The following OR7A10 variants were observed in gnomAD, a reference collection of about 807,000 sequenced individuals.
OR7A10 encodes olfactory receptor family 7 subfamily A member 10, also known as olfactory receptor 7A10.
For synonymous variants in OR7A10, 144 were observed against 144.5 expected, an observed-to-expected ratio of 1.00 and a Z score of 0.02; for missense variants, 358 against 370.1, an observed-to-expected ratio of 0.97 and a Z score of 0.27.
Position 14,841,550 on chromosome 19 carries a change from A to T in OR7A10, c.328T>A (p.Leu110Met). 4 of 1,614,200 alleles carry T rather than the reference A, an allele frequency of 2.5e-6. No homozygotes were observed. Among genetic ancestry groups the T allele is most frequent in the Non-Finnish European group, 3.4e-6 (4 of 1,180,040 alleles). ...QMCFFLLFVG[L>M]DNFLLTVMAY... is the part of the protein sequence containing the mutation. ...ATCACGGTCAGAAGGAAGTTATCCA[A>T]TCCTACAAAGAGTAAGAAAAAGCAC... The change falls in exon 2 of 2, where the codon TTG (leucine) becomes ATG (methionine). Residue 110 changes from leucine to methionine, a missense_variant. Physicochemically the swap from Leu to Met is conservative, Grantham distance 15. Coordinates refer to ENST00000641129, the MANE Select transcript of OR7A10 (RefSeq NM_001005190.2).
intron 1 of OR7A10, among the ~76,000 whole-genome samples, chr19:14,843,576 T>C (rs1326648325): frequency 6.6e-6 from 1 of 152,198 alleles, no homozygotes; most frequent in African/African-American, 2.4e-5. Flanking sequence ...TACAAGAAGT[T>C]AATTTCTATA....
intron 1 of OR7A10, among the ~76,000 whole-genome samples, chr19:14,842,516 G>T (rs918449380): frequency 1.3e-5 from 2 of 152,204 alleles, no homozygotes; most frequent in African/African-American, 4.8e-5. Context: ...CTCCCAAAGT[G>T]CTGGGATTAC....
chr19:14,842,719 A>G (rs146033562), intron 1 of OR7A10, among the ~76,000 whole-genome samples: 70 of 152,292 alleles, frequency 4.6e-4, no homozygotes, highest in African/African-American at 1.5e-3. Flanking sequence ...TGGCTTCGTA[A>G]TATTCCATGG....
At chr19:14,843,686 G>C (rs973640395) in intron 1 of OR7A10, among the ~76,000 whole-genome samples, 1 of 152,146 alleles carries the variant, frequency 6.6e-6, no homozygotes, top group Non-Finnish European at 1.5e-5. Context: ...TACAAGTTTA[G>C]GGAGAAAAAT....
chr19:14,848,766 A>G lies in OR7A10; in HGVS notation c.-279T>C, dbSNP rs1305463215. 1 of 152,082 alleles carries G rather than the reference A, an allele frequency of 6.6e-6. No homozygotes were observed. Among genetic ancestry groups the G allele is most frequent in the African/African-American group, 2.4e-5 (1 of 41,400 alleles). 9.4% of individuals were successfully genotyped at this position (152,082 alleles called of 1,614,324 possible). On this transcript the variant is annotated 5_prime_UTR_variant, in exon 1 of 2. Transcript: ENST00000641129. ...TGGAGACATTTCCTCCTGTTATTCA[A>G]CCCCTGATCACATTCAGTCCCTGTG...
chr19:14,846,709 C>CAAA (rs60087409), intron 1 of OR7A10, among the ~76,000 whole-genome samples: 8 of 64,042 alleles, frequency 1.2e-4, no homozygotes, highest in East Asian at 6.2e-4. Context: ...GACTCCATCT[C>CAAA]AAAAAAAAAA....
chr19:14,846,531 C>G (rs2044943405), intron 1 of OR7A10, among the ~76,000 whole-genome samples: 1 of 151,248 alleles, frequency 6.6e-6, no homozygotes, highest in African/African-American at 2.4e-5. Context: ...GTCATGGAAA[C>G]TAAAGAATAT....
At chr19:14,848,461 A>T (rs1303867286) in intron 1 of OR7A10, 39 bp downstream of exon 1, 1 of 152,170 alleles carries the variant, frequency 6.6e-6, no homozygotes, top group Non-Finnish European at 1.5e-5. Flanking sequence ...ACAACTTGCA[A>T]TCTCCCTGAT....
intron 1 of OR7A10, among the ~76,000 whole-genome samples, chr19:14,847,922 A>C (rs2044950865): frequency 1.3e-5 from 2 of 151,732 alleles, no homozygotes; most frequent in Non-Finnish European, 2.9e-5. Context: ...TAAGAGATTG[A>C]GACCATCCTG....
intron 1 of OR7A10, among the ~76,000 whole-genome samples, chr19:14,843,963 C>T (rs144820844): frequency 4.3e-4 from 65 of 152,156 alleles, no homozygotes; most frequent in African/African-American, 1.3e-3. Flanking sequence ...CTAATGCATG[C>T]GGGGCTTAAA....
intron 1 of OR7A10, among the ~76,000 whole-genome samples, chr19:14,846,980 C>T (rs189386777): frequency 4.6e-5 from 7 of 152,202 alleles, no homozygotes; most frequent in South Asian, 4.1e-4. Context: ...ACAATGTGAC[C>T]GATGGATGGA....
intron 1 of OR7A10, among the ~76,000 whole-genome samples, chr19:14,845,335 C>T (rs1298799946): frequency 2.6e-5 from 4 of 151,876 alleles, no homozygotes; most frequent in South Asian, 2.1e-4. Context: ...ATTAGCTGGG[C>T]GTGGTGGTGG....
Position 14,840,911 on chromosome 19 carries a change from C to G in OR7A10, c.*37G>C, listed in dbSNP as rs1034903786. 2 of 1,454,476 alleles carry G rather than the reference C, an allele frequency of 1.4e-6. No homozygotes were observed. Among genetic ancestry groups the G allele is most frequent in the African/African-American group, 2.8e-5 (2 of 71,288 alleles). 90.1% of individuals were successfully genotyped at this position (1,454,476 alleles called of 1,614,324 possible). On this transcript the variant is annotated 3_prime_UTR_variant, in exon 2 of 2. Transcript: ENST00000641129. ...CCATTTCTGGCTCTGGGGCTTAGAG[C>G]TCTGAAGTCACAGGCCTTTCTTGAA... is the stretch of plus-strand genomic sequence containing the variant.
rs775910655 is a variant in OR7A10 at position 14,841,374 on chromosome 19, A to G, written c.504T>C (p.Phe168=). ...LQSLMVLPLP[F]CTHMEIPHFF... ...AATGAGGGATTTCCATGTGTGTACA[A>G]AAGGGCAGTGGCAACACCATTAAGC... The change falls in exon 2 of 2, where the codon TTT becomes TTC. Residue 168 remains phenylalanine, a synonymous_variant. Coordinates refer to ENST00000641129, the MANE Select transcript of OR7A10 (RefSeq NM_001005190.2). 1.2e-6 allele frequency: 2 copies of G among 1,614,058 alleles called. No individual in the cohort carries two copies. The highest frequency in any genetic ancestry group is 2.7e-5 in the African/African-American group (2 of 74,918).
In OR7A10 at chr19:14,841,541, A is replaced by G. The variant is rs769875955; in HGVS notation, c.337T>C (p.Phe113Leu). The change falls in exon 2 of 2, where the codon TTC becomes CTC. Residue 113 changes from phenylalanine to leucine, a missense_variant. Physicochemically the swap from Phe to Leu is conservative, Grantham distance 22. Coordinates refer to ENST00000641129, the MANE Select transcript of OR7A10 (RefSeq NM_001005190.2). Reference protein sequence around the residue: ...FFLLFVGLDNFLLTVMAYDRF... With the variant: ...FFLLFVGLDNLLLTVMAYDRF... ...TCATAGGCCATCACGGTCAGAAGGAAGTTATCCAATCCTACAAAGAGTAAG... is the reference window on the plus strand; with the variant it reads ...TCATAGGCCATCACGGTCAGAAGGAGGTTATCCAATCCTACAAAGAGTAAG... 3.7e-6 allele frequency: 6 copies of G among 1,614,086 alleles called. No homozygotes were observed. Among genetic ancestry groups the G allele is most frequent in the East Asian group, 2.2e-5 (1 of 44,894 alleles).
At chr19:14,842,284 C>A (rs2044919640) in intron 1 of OR7A10, among the ~76,000 whole-genome samples, 1 of 152,250 alleles carries the variant, frequency 6.6e-6, no homozygotes, top group Admixed American at 6.5e-5. Context: ...TGGAGTCTCG[C>A]TCTGTCACCC....
At position 14,841,651 on chromosome 19, in the gene OR7A10, G is replaced by T; in HGVS notation, c.227C>A (p.Thr76Asn). 1 of 1,614,194 alleles carries T rather than the reference G, an allele frequency of 6.2e-7. No homozygotes were observed. Among genetic ancestry groups the T allele is most frequent in the Non-Finnish European group, 8.5e-7 (1 of 1,180,032 alleles). ...GTTCACCAGCATCTTCGGGACAGTG[G>T]TAGAGACAAAACAGATGTCTACGAA... ...LSFVDICFVS[T>N]TVPKMLVNIQ... Residue 76 changes from threonine (T) to asparagine (N), a missense_variant, in exon 2 of 2, where the codon ACC becomes AAC. Transcript: ENST00000641129.
Position 14,845,915 on chromosome 19 carries a change from G to A in OR7A10, c.-13+2585C>T, listed in dbSNP as rs73506469. ...TTTAACATAAAAATTCCAAAATGTG[G>A]GAGGCCGAAGCGAGCGGATCAGGAG... On this transcript the variant is annotated intron_variant, in intron 1 of 1. Transcript: ENST00000641129. Among the ~76,000 whole-genome samples the A allele has an allele frequency of 7.4e-3, 1,120 of 152,186 alleles. 11 individuals carry two copies. Among genetic ancestry groups the A allele is most frequent in the African/African-American group, 0.026 (1,064 of 41,506 alleles).
At chr19:14,848,162 T>C (rs2044952372) in intron 1 of OR7A10, among the ~76,000 whole-genome samples, 1 of 151,820 alleles carries the variant, frequency 6.6e-6, no homozygotes, top group African/African-American at 2.4e-5. Flanking sequence ...GTATCCCCCA[T>C]AGCTAATACC....
Sources: gnomAD v4.1 joint callset for allele counts (sites outside exome capture counted in the v4.1 genomes callset) on GRCh38, gnomAD v4.1.1 for gene constraint, MANE v1.5 for transcripts, NCBI Gene and HGNC (gene_info 2026-07-23, HGNC 2026-07-21) for gene names.